The following DLG2 variants were observed in gnomAD, a reference collection of about 807,000 sequenced individuals.
DLG2 encodes discs large MAGUK scaffold protein 2.
Under a neutral mutation model 132.5 loss-of-function variants are expected in DLG2, and 45 were observed. The ratio of observed to expected loss-of-function variants is 0.34; its 90% confidence interval spans 0.27 to 0.44. The LOEUF (loss-of-function observed/expected upper bound fraction) is 0.44. DLG2 is among the 20% of genes least tolerant of loss of function. The pLI is 1.00. For synonymous variants in DLG2, 424 were observed against 419.6 expected, an observed-to-expected ratio of 1.01 and a Z score of -0.13; for missense variants, 1,045 against 1,196.9, an observed-to-expected ratio of 0.87 and a Z score of 1.87.
At chr11:84,787,455 C>G (rs1305009808) in intron 6 of DLG2, among the ~76,000 whole-genome samples, 1 of 152,126 alleles carries the variant, frequency 6.6e-6, no homozygotes, top group Non-Finnish European at 1.5e-5. Context: ...TTTCTAAACT[C>G]TCATAGCTCC....
chr11:84,289,433 T>C (rs1400735313), intron 7 of DLG2, among the ~76,000 whole-genome samples: 1 of 152,014 alleles, frequency 6.6e-6, no homozygotes, highest in African/African-American at 2.4e-5. Context: ...GATCAAAAAA[T>C]AATTGGAATT....
At chr11:85,395,324 C>G (rs2152953609) in intron 3 of DLG2, among the ~76,000 whole-genome samples, 1 of 152,282 alleles carries the variant, frequency 6.6e-6, no homozygotes, top group South Asian at 2.1e-4. Flanking sequence ...TGGTCTGCAG[C>G]TCCCAGCAAT....
chr11:84,763,519 T>C (rs1481225351), intron 6 of DLG2, among the ~76,000 whole-genome samples: 2 of 152,184 alleles, frequency 1.3e-5, no homozygotes, highest in Admixed American at 6.5e-5. Flanking sequence ...CTCTGATTGA[T>C]GCTCTGGTTT....
intron 9 of DLG2, among the ~76,000 whole-genome samples, chr11:84,163,080 T>C (rs2095582951): frequency 6.6e-6 from 1 of 152,132 alleles, no homozygotes; most frequent in African/African-American, 2.4e-5. Context: ...AAGAAACACA[T>C]GGTAACTATA....
At chr11:83,794,391 C>T (rs2153910175) in intron 17 of DLG2, among the ~76,000 whole-genome samples, 1 of 147,954 alleles carries the variant, frequency 6.8e-6, no homozygotes, top group Non-Finnish European at 1.5e-5. Flanking sequence ...ATTGATATGA[C>T]ATTTTAAAAT....
chr11:83,551,978 T>G (rs1407201035), intron 19 of DLG2, among the ~76,000 whole-genome samples: 1 of 152,218 alleles, frequency 6.6e-6, no homozygotes, highest in Non-Finnish European at 1.5e-5. Flanking sequence ...GGCCACTTAC[T>G]CATTTTCATT....
chr11:84,454,537 C>A (rs770433833), intron 7 of DLG2, among the ~76,000 whole-genome samples: 1 of 151,288 alleles, frequency 6.6e-6, no homozygotes, highest in Non-Finnish European at 1.5e-5. Context: ...CAAAATTATA[C>A]CCAAATTTTA....
intron 21 of DLG2, among the ~76,000 whole-genome samples, chr11:83,493,620 G>A (rs1165271024): frequency 1.3e-5 from 2 of 151,940 alleles, no homozygotes; most frequent in African/African-American, 4.8e-5. Flanking sequence ...GGCCTTTATT[G>A]CTCTCTATTT....
chr11:85,620,253 T>G (rs1358573790), intron 2 of DLG2, among the ~76,000 whole-genome samples: 2 of 152,236 alleles, frequency 1.3e-5, no homozygotes, highest in Non-Finnish European at 2.9e-5. Flanking sequence ...AAACTTAATC[T>G]GTAAATGTTG....
At chr11:85,143,296 A>T (rs1019272830) in intron 5 of DLG2, among the ~76,000 whole-genome samples, 2 of 151,560 alleles carry the variant, frequency 1.3e-5, no homozygotes, top group African/African-American at 4.8e-5. Context: ...TGTGTCTAGA[A>T]ATTTATTTAT....
intron 4 of DLG2, among the ~76,000 whole-genome samples, chr11:85,262,514 AC>A (rs572254668): frequency 8.5e-4 from 129 of 152,274 alleles, no homozygotes; most frequent in Non-Finnish European, 1.6e-3. Context: ...AACTCCTCAA[AC>A]CTCCATGATT....
intron 18 of DLG2, among the ~76,000 whole-genome samples, chr11:83,705,299 T>C (rs1249407950): frequency 6.6e-6 from 1 of 152,216 alleles, no homozygotes; most frequent in African/African-American, 2.4e-5. Flanking sequence ...TTATTTGTTA[T>C]TATCAAGTAA....
At chr11:84,771,393 T>G (rs1425994818) in intron 6 of DLG2, among the ~76,000 whole-genome samples, 2 of 152,352 alleles carry the variant, frequency 1.3e-5, no homozygotes, top group East Asian at 3.9e-4. Context: ...TTTTTTCATA[T>G]GCTTTTTGGC....
intron 6 of DLG2, among the ~76,000 whole-genome samples, chr11:85,096,812 C>T (rs747127947): frequency 3.3e-5 from 5 of 152,088 alleles, no homozygotes; most frequent in East Asian, 1.9e-4. Context: ...AGACACCTGT[C>T]GACCAGTTAA....
At chr11:85,592,537 T>C (rs558918501) in intron 3 of DLG2, among the ~76,000 whole-genome samples, 6 of 152,342 alleles carry the variant, frequency 3.9e-5, no homozygotes, top group Non-Finnish European at 8.8e-5. Context: ...GAGATACTTA[T>C]TGTAACAGAA....
At chr11:83,743,144 A>C (rs1385789430) in intron 18 of DLG2, among the ~76,000 whole-genome samples, 1 of 152,180 alleles carries the variant, frequency 6.6e-6, no homozygotes, top group Non-Finnish European at 1.5e-5. Flanking sequence ...TTAGCTCTAC[A>C]ATTCATGTTT....
intron 3 of DLG2, among the ~76,000 whole-genome samples, chr11:85,505,550 T>C (rs1444869609): frequency 6.6e-6 from 1 of 152,216 alleles, no homozygotes; most frequent in African/African-American, 2.4e-5. Context: ...GAACCAGCCT[T>C]GCATCCCAGA....
At chr11:84,218,855 C>T (rs2096875465) in intron 8 of DLG2, among the ~76,000 whole-genome samples, 1 of 152,172 alleles carries the variant, frequency 6.6e-6, no homozygotes, top group Non-Finnish European at 1.5e-5. Flanking sequence ...CATAGAACAG[C>T]TCTTCATGAC....
chr11:85,134,325 C>T (rs1232348507), intron 5 of DLG2, among the ~76,000 whole-genome samples: 1 of 149,072 alleles, frequency 6.7e-6, no homozygotes, highest in South Asian at 2.1e-4. Context: ...GTCAGGAGAT[C>T]GAGACCATCC....
Sources: gnomAD v4.1 joint callset for allele counts (sites outside exome capture counted in the v4.1 genomes callset) on GRCh38, gnomAD v4.1.1 for gene constraint, MANE v1.5 for transcripts, NCBI Gene and HGNC (gene_info 2026-07-23, HGNC 2026-07-21) for gene names.